SMURF2: variants seen among roughly 807,000 people sequenced by gnomAD.
The protein encoded by SMURF2 is E3 ubiquitin-protein ligase SMURF2.
In SMURF2, 48 loss-of-function variants were observed where a neutral mutation model predicts 109.6. The ratio of observed to expected loss-of-function variants is 0.44; its 90% CI spans 0.35 to 0.56. The LOEUF is 0.56. SMURF2 is among the 20% of genes least tolerant of loss of function. The pLI is 0.01. For synonymous variants in SMURF2, 288 were observed against 317.1 expected (o/e 0.91, Z 0.97); for missense variants, 575 against 909.0 (o/e 0.63, Z 4.72).
chr17:64,561,966 C>T (rs1969226414), intron 11 of SMURF2, among the ~76,000 whole-genome samples: 1 of 152,036 alleles, frequency 6.6e-6, no homozygotes, highest in Non-Finnish European at 1.5e-5. Flanking sequence ...TGCCACTGCA[C>T]TCCAGCCTGG....
chr17:64,618,643 G>T (rs999368337), intron 1 of SMURF2, among the ~76,000 whole-genome samples: 2 of 152,140 alleles, frequency 1.3e-5, no homozygotes, highest in Non-Finnish European at 2.9e-5. Context: ...CTGTTCAAGA[G>T]ATGAATATTG....
chr17:64,642,180 GGGA>G (rs1555692609), intron 1 of SMURF2, among the ~76,000 whole-genome samples: 3 of 152,178 alleles, frequency 2.0e-5, no homozygotes, highest in Admixed American at 6.5e-5. Context: ...GTGAATAATT[GGGA>G]GGAGGAGAAG....
chr17:64,658,973 T>C (rs112616321), intron 1 of SMURF2, among the ~76,000 whole-genome samples: 8,096 of 152,296 alleles, frequency 0.053, 365 homozygotes, highest in African/African-American at 0.12. Flanking sequence ...CCCAACTGCC[T>C]GAGGAATCTA....
intron 1 of SMURF2, among the ~76,000 whole-genome samples, chr17:64,647,487 G>C (rs1970574576): frequency 6.6e-6 from 1 of 152,044 alleles, no homozygotes; most frequent in Admixed American, 6.6e-5. Context: ...AGACCAGCCT[G>C]GCCAACATGG....
chr17:64,622,944 C>G (rs1420371862), intron 1 of SMURF2, among the ~76,000 whole-genome samples: 1 of 152,156 alleles, frequency 6.6e-6, no homozygotes, highest in Non-Finnish European at 1.5e-5. Flanking sequence ...TATGGACTCA[C>G]AAACATTTGT....
intron 1 of SMURF2, among the ~76,000 whole-genome samples, chr17:64,634,290 C>G (rs1970386344): frequency 6.6e-6 from 1 of 152,222 alleles, no homozygotes; most frequent in South Asian, 2.1e-4. Flanking sequence ...TTACCACCTT[C>G]CACAGCACCA....
At chr17:64,584,360 T>TC (rs1969620229) in intron 6 of SMURF2, among the ~76,000 whole-genome samples, 1 of 140,246 alleles carries the variant, frequency 7.1e-6, no homozygotes, top group Non-Finnish European at 1.5e-5. Context: ...TCTTTTTTTT[T>TC]CTTTTTTTTT....
chr17:64,599,546 G>A (rs187910823), intron 2 of SMURF2, among the ~76,000 whole-genome samples: 1 of 152,322 alleles, frequency 6.6e-6, no homozygotes, highest in Middle Eastern at 3.4e-3. Context: ...GGACCACAAA[G>A]CAGGAAGTGA....
chr17:64,561,270 C>T (rs782817291), intron 12 of SMURF2, among the ~76,000 whole-genome samples: 3 of 152,118 alleles, frequency 2.0e-5, no homozygotes, highest in Non-Finnish European at 4.4e-5. Context: ...AAACACAGGG[C>T]CTGCAGTCTC....
At chr17:64,546,090 G>C (rs1393983236) in intron 18 of SMURF2, 143 bp from the exon 19 acceptor site, 8 of 877,838 alleles carry the variant, frequency 9.1e-6, no homozygotes, top group Non-Finnish European at 1.2e-5. Flanking sequence ...GACCACTTTT[G>C]GGTTTTCCTA....
intron 1 of SMURF2, among the ~76,000 whole-genome samples, chr17:64,651,678 C>CT (rs1970642578): frequency 6.6e-6 from 1 of 151,986 alleles, no homozygotes; most frequent in African/African-American, 2.4e-5. Context: ...AATCCCAGCA[C>CT]TTTGGAAAGC....
At chr17:64,575,962 T>C (rs1555686024) in intron 9 of SMURF2, among the ~76,000 whole-genome samples, 1 of 152,094 alleles carries the variant, frequency 6.6e-6, no homozygotes, top group African/African-American at 2.4e-5. Flanking sequence ...CCCAGCACTT[T>C]GGGAGGCCGA....
Position 64,547,451 on chromosome 17 carries a change from G to T in SMURF2, c.2071+149C>A. On this transcript the variant is annotated intron_variant, in intron 17 of 18. Transcript: ENST00000262435. This position sits in a 1 kb window ranked among gnomAD's most constrained non-coding sequence, Gnocchi z 4.2. ...TGGGAAGGGAACAAAAGAAAGGAGG[G>T]AGAAGAAGGTATCACAATGTGAGAG... is the stretch of plus-strand genomic sequence containing the variant. The T allele has an allele frequency of 1.5e-6, 1 of 683,664 alleles. No homozygotes were observed. The highest frequency in any genetic ancestry group is 2.5e-6 in the Non-Finnish European group (1 of 407,826). The allele number at this position is 683,664 out of a possible 1,614,324, so 42.3% of individuals were successfully genotyped here. A position where few individuals can be genotyped will look rare whatever the true frequency, so the allele number is the denominator to read the frequency against.
intron 8 of SMURF2, among the ~76,000 whole-genome samples, chr17:64,580,338 C>G (rs1319783655): frequency 6.6e-6 from 1 of 152,070 alleles, no homozygotes; most frequent in Non-Finnish European, 1.5e-5. Flanking sequence ...ATCAGATAAT[C>G]CAAAATTACA....
intron 17 of SMURF2, 70 bp from the exon 18 acceptor site, chr17:64,546,408 A>G (rs1167092252): frequency 2.2e-5 from 31 of 1,382,006 alleles, no homozygotes; most frequent in Non-Finnish European, 3.0e-5. Context: ...CTTAAGAATA[A>G]AACTGGTAAG....
At chr17:64,551,326 C>T (rs1311718062) in intron 16 of SMURF2, among the ~76,000 whole-genome samples, 1 of 151,776 alleles carries the variant, frequency 6.6e-6, no homozygotes, top group African/African-American at 2.4e-5. Flanking sequence ...CACTGCACCC[C>T]AGCCTGGGTG....
chr17:64,548,802 AATCATTTTATACT>A, intron 16 of SMURF2, among the ~76,000 whole-genome samples: 1 of 152,272 alleles, frequency 6.6e-6, no homozygotes, highest in Middle Eastern at 3.4e-3. Flanking sequence ...ACTATATCCA[AATCATTTTATACT>A]ATCATTAATA....
chr17:64,555,767 T>G, intron 14 of SMURF2, 53 bp downstream of exon 14: 1 of 1,283,762 alleles, frequency 7.8e-7, no homozygotes, highest in Non-Finnish European at 1.1e-6. Flanking sequence ...TGAAACATAT[T>G]TTTTTTTAAA....
intron 3 of SMURF2, among the ~76,000 whole-genome samples, chr17:64,595,924 A>G (rs1969810275): frequency 6.6e-6 from 1 of 152,182 alleles, no homozygotes; most frequent in African/African-American, 2.4e-5. Flanking sequence ...TCAGGATGCC[A>G]TCAGCAATAC....
Sources: gnomAD v4.1 joint callset for allele counts (sites outside exome capture counted in the v4.1 genomes callset) on GRCh38, gnomAD v4.1.1 for gene constraint, Gnocchi (gnomAD v3.1) non-coding constraint, MANE v1.5 for transcripts, NCBI Gene and HGNC (gene_info 2026-07-23, HGNC 2026-07-21) for gene names.